Variants in EBF3 observed in about 807,000 individuals in gnomAD.
EBF3 encodes the protein EBF transcription factor 3, also known as transcription factor COE3.
In EBF3, 18 loss-of-function variants were observed where a neutral mutation model predicts 77.1. The observed-to-expected ratio is 0.23, with a 90% confidence interval of 0.16 to 0.35. The LOEUF (loss-of-function observed/expected upper bound fraction) is 0.35. EBF3 is among the 10% of genes least tolerant of loss of function. The pLI is 1.00. For synonymous variants in EBF3, 350 were observed against 343.5 expected, an observed-to-expected ratio of 1.02 and a Z score of -0.21; for missense variants, 558 against 860.0, an observed-to-expected ratio of 0.65 and a Z score of 4.39.
intron 10 of EBF3, among the ~76,000 whole-genome samples, chr10:129,850,648 C>G (rs2133990776): frequency 6.6e-6 from 1 of 152,302 alleles, no homozygotes; most frequent in South Asian, 2.1e-4. Flanking sequence ...AGTTCACGTT[C>G]AAGAATTAGA....
chr10:129,942,729 A>T (rs973286918), intron 6 of EBF3, among the ~76,000 whole-genome samples: 2 of 152,240 alleles, frequency 1.3e-5, no homozygotes, highest in Non-Finnish European at 2.9e-5. Flanking sequence ...TGGTGACTGC[A>T]TTGGAATGTA....
rs976322487 is a variant in EBF3 at position 129,850,491 on chromosome 10, G to A, written c.1040-2011C>T. On this transcript the variant is annotated intron_variant, in intron 10 of 16. Transcript: ENST00000440978. ...GTCTTGAAAGCAATGCCAAGAATAAGCGCGGCACTCCATTGGAAGTTCGGA... is the reference window on the plus strand; with the variant it reads ...GTCTTGAAAGCAATGCCAAGAATAAACGCGGCACTCCATTGGAAGTTCGGA... Among the ~76,000 whole-genome samples the A allele has an allele frequency of 6.6e-5, 10 of 152,184 alleles. 1 individual carries two copies. Among genetic ancestry groups the A allele is most frequent in the Non-Finnish European group, 8.8e-5 (6 of 68,040 alleles).
intron 8 of EBF3, among the ~76,000 whole-genome samples, chr10:129,872,835 C>T (rs1028692753): frequency 1.3e-5 from 2 of 152,190 alleles, no homozygotes; most frequent in African/African-American, 4.8e-5. Context: ...TGCATTCCGA[C>T]CTGATATCCA....
chr10:129,843,370 G>A (rs1313324624), intron 11 of EBF3, 168 bp from the exon 12 acceptor site: 8 of 615,714 alleles, frequency 1.3e-5, no homozygotes, highest in Non-Finnish European at 1.7e-5. Context: ...AGGCACGTGC[G>A]TGCTGACAAC....
rs1856449277 is a variant in EBF3 at position 129,923,472 on chromosome 10, C to A, written c.554+33786G>T. Among the ~76,000 whole-genome samples, 2 of 152,206 alleles carry A rather than the reference C, an allele frequency of 1.3e-5. 1 individual carries two copies. Among genetic ancestry groups the A allele is most frequent in the South Asian group, 4.1e-4 (2 of 4,830 alleles). ...GACCAATGGGACAGAATGGAGAGCC[C>A]AGGAGTAAACCCTCACACATATGGT... is the stretch of plus-strand genomic sequence containing the variant. On this transcript the variant is annotated intron_variant, in intron 6 of 16. Transcript: ENST00000440978.
chr10:129,884,032 T>A (rs1853398074), intron 6 of EBF3, among the ~76,000 whole-genome samples: 1 of 152,180 alleles, frequency 6.6e-6, no homozygotes, highest in Non-Finnish European at 1.5e-5. Flanking sequence ...ACTGTGCTAT[T>A]GAAATGAAAT....
At chr10:129,849,126 C>G (rs1013192024) in intron 10 of EBF3, among the ~76,000 whole-genome samples, 13 of 152,202 alleles carry the variant, frequency 8.5e-5, no homozygotes, top group African/African-American at 3.1e-4. Context: ...GGCCATAAAT[C>G]AGCGGCACAT....
In EBF3 at chr10:129,848,995, A is replaced by G. The variant is rs887407119; in HGVS notation, c.1040-515T>C. ...AATAATCTGTGAATGGCTGCCTACAAACTGATGTAGGGCACTATCATTCTA... is the reference window on the plus strand; with the variant it reads ...AATAATCTGTGAATGGCTGCCTACAGACTGATGTAGGGCACTATCATTCTA... On this transcript the variant is annotated intron_variant, in intron 10 of 16. Transcript: ENST00000440978. The surrounding 1 kb of genome is among the most constrained non-coding windows in gnomAD (Gnocchi z 4.4). Among the ~76,000 whole-genome samples the G allele has an allele frequency of 1.3e-5, 2 of 152,222 alleles. No homozygotes were observed. The highest frequency in any genetic ancestry group is 2.4e-5 in the African/African-American group (1 of 41,460).
In EBF3 at chr10:129,943,624, C is replaced by T. The variant is rs752525466; in HGVS notation, c.554+13634G>A. ...GGGAACAAGACAGGTCCCCGGCGTG[C>T]ACATCCAAAGTTTGAGTGTGTGAGA... On this transcript the variant is annotated intron_variant, in intron 6 of 16. Coordinates refer to ENST00000440978, the MANE Select transcript of EBF3 (RefSeq NM_001375380.1). The surrounding 1 kb of genome is among the most constrained non-coding windows in gnomAD (Gnocchi z 8.8). Among the ~76,000 whole-genome samples the T allele has an allele frequency of 5.3e-5, 8 of 152,180 alleles. No individual in the cohort carries two copies. Among genetic ancestry groups the T allele is most frequent in the Non-Finnish European group, 8.8e-5 (6 of 68,038 alleles).
chr10:129,910,434 G>A (rs2134289399), intron 6 of EBF3, among the ~76,000 whole-genome samples: 1 of 152,166 alleles, frequency 6.6e-6, no homozygotes, highest in Admixed American at 6.5e-5. Flanking sequence ...AAATATACCT[G>A]TATATATATT....
At chr10:129,847,521 G>A (rs191992539) in intron 11 of EBF3, among the ~76,000 whole-genome samples, 3 of 152,286 alleles carry the variant, frequency 2.0e-5, no homozygotes, top group South Asian at 2.1e-4. Context: ...TAATGACATC[G>A]CCTATGTTCA....
chr10:129,910,394 G>A (rs1855444934), intron 6 of EBF3, among the ~76,000 whole-genome samples: 1 of 152,124 alleles, frequency 6.6e-6, no homozygotes, highest in Admixed American at 6.5e-5. Flanking sequence ...AAACAGCTAT[G>A]TGTATGCACA....
rs967941430 is a variant in EBF3 at position 129,963,560 on chromosome 10, G to A, written c.135-37C>T. On this transcript the variant is annotated intron_variant, in intron 1 of 16. Transcript: ENST00000440978. The surrounding 1 kb of genome is among the most constrained non-coding windows in gnomAD (Gnocchi z 7.1). ...AAGAGACAGCGGCCCGGTGAGGAGC[G>A]CGGCGCCGGCCGGCGGAGGGGGCCG... The A allele has an allele frequency of 3.7e-6, 5 of 1,351,560 alleles. No individual in the cohort carries two copies. Among genetic ancestry groups the A allele is most frequent in the Non-Finnish European group, 4.8e-6 (5 of 1,043,796 alleles). 83.7% of individuals were successfully genotyped at this position (1,351,560 alleles called of 1,614,324 possible).
In EBF3 at chr10:129,935,104, G is replaced by A. The variant is rs921401109; in HGVS notation, c.554+22154C>T. ...CACATTAGCTGTAGCTGGTGGTCCG[G>A]TTCCCTAAGAACCGGACCCTCTAGT... On this transcript the variant is annotated intron_variant, in intron 6 of 16. Coordinates refer to ENST00000440978, the MANE Select transcript of EBF3 (RefSeq NM_001375380.1). The surrounding 1 kb of genome is among the most constrained non-coding windows in gnomAD (Gnocchi z 4.2). Among the ~76,000 whole-genome samples, 2 of 152,152 alleles carry A rather than the reference G, an allele frequency of 1.3e-5. No homozygotes were observed. Among genetic ancestry groups the A allele is most frequent in the Admixed American group, 1.3e-4 (2 of 15,276 alleles).
rs1055169555 is a variant in EBF3 at position 129,842,863 on chromosome 10, C to T, written c.1194+274G>A. Among the ~76,000 whole-genome samples, 10 of 152,012 alleles carry T rather than the reference C, an allele frequency of 6.6e-5. No individual in the cohort carries two copies. Among genetic ancestry groups the T allele is most frequent in the South Asian group, 2.1e-4 (1 of 4,828 alleles). On this transcript the variant is annotated intron_variant, in intron 12 of 16. Coordinates refer to ENST00000440978, the MANE Select transcript of EBF3 (RefSeq NM_001375380.1). The surrounding 1 kb of genome is among the most constrained non-coding windows in gnomAD (Gnocchi z 4.4). ...CCCTGGTTCCCAGCGGCACCAACAC[C>T]GTCCACCCGCCACTGCACACTGCAG... is the stretch of plus-strand genomic sequence containing the variant.
intron 10 of EBF3, 44 bp downstream of exon 10, chr10:129,867,097 A>T: frequency 6.3e-7 from 1 of 1,593,184 alleles, no homozygotes; most frequent in South Asian, 1.1e-5. Context: ...GGTGGGGAGG[A>T]GGCCTCTACC....
chr10:129,877,312 G>A (rs778327384), intron 7 of EBF3, among the ~76,000 whole-genome samples: 5 of 151,922 alleles, frequency 3.3e-5, no homozygotes, highest in Admixed American at 6.6e-5. Context: ...AAAACATATT[G>A]AAACCCCATC....
chr10:129,843,306 C>A, intron 11 of EBF3, 104 bp from the exon 12 acceptor site: 3 of 1,229,624 alleles, frequency 2.4e-6, no homozygotes, highest in Non-Finnish European at 3.5e-6. Context: ...AGTCCCCACC[C>A]ACAGCGACCC....
chr10:129,933,684 C>T (rs1011548767), intron 6 of EBF3, among the ~76,000 whole-genome samples: 5 of 152,228 alleles, frequency 3.3e-5, no homozygotes, highest in African/African-American at 9.6e-5. Context: ...AACCTTCACT[C>T]GATGTCCTCT....
Sources: gnomAD v4.1 joint callset for allele counts (sites outside exome capture counted in the v4.1 genomes callset) on GRCh38, gnomAD v4.1.1 for gene constraint, Gnocchi (gnomAD v3.1) non-coding constraint, MANE v1.5 for transcripts, NCBI Gene and HGNC (gene_info 2026-07-23, HGNC 2026-07-21) for gene names.